NECAB1: variants seen among roughly 807,000 people sequenced by gnomAD.
The protein encoded by NECAB1 is N-terminal EF-hand calcium-binding protein 1.
A neutral mutation model predicts 57.5 loss-of-function variants in NECAB1; 29 were observed. That is an observed-to-expected ratio of 0.50 (90% CI 0.38 to 0.69). The LOEUF (loss-of-function observed/expected upper bound fraction) is 0.69, where lower values mean the gene tolerates loss of function less well. Ranked by LOEUF, NECAB1 falls within the 30% of genes least tolerant of loss-of-function variation. NECAB1 has a pLI of 0.00. For synonymous variants in NECAB1, 142 were observed against 147.7 expected (o/e 0.96, Z 0.28); for missense variants, 372 against 413.8 (o/e 0.90, Z 0.88).
intron 1 of NECAB1, among the ~76,000 whole-genome samples, chr8:90,800,117 G>T (rs917904145): frequency 1.3e-5 from 2 of 152,146 alleles, no homozygotes; most frequent in Non-Finnish European, 2.9e-5. Flanking sequence ...GAATGCTATT[G>T]CTGCATAGAT....
chr8:90,894,084 TA>T (rs930628371), intron 5 of NECAB1, among the ~76,000 whole-genome samples: 1 of 152,134 alleles, frequency 6.6e-6, no homozygotes, highest in Non-Finnish European at 1.5e-5. Context: ...TTCATGCTGA[TA>T]ACCTAAAAAG....
intron 1 of NECAB1, among the ~76,000 whole-genome samples, chr8:90,797,322 C>T (rs1811679344): frequency 6.6e-6 from 1 of 152,188 alleles, no homozygotes; most frequent in Non-Finnish European, 1.5e-5. Flanking sequence ...GGAACAGTTT[C>T]ATTGGTGAGA....
At chr8:90,816,911 C>T (rs895650452) in intron 2 of NECAB1, among the ~76,000 whole-genome samples, 3 of 151,602 alleles carry the variant, frequency 2.0e-5, no homozygotes, top group Non-Finnish European at 4.4e-5. Context: ...AGGATTGACA[C>T]CTTAATGATA....
chr8:90,817,954 A>G (rs1207989785), intron 2 of NECAB1, among the ~76,000 whole-genome samples: 1 of 151,814 alleles, frequency 6.6e-6, no homozygotes, highest in African/African-American at 2.4e-5. Flanking sequence ...TATTTTTTGT[A>G]AGGTTATTAA....
Position 90,951,197 on chromosome 8 carries a change from A to G in NECAB1, c.1023A>G (p.Leu341=), listed in dbSNP as rs1810917240. The G allele has an allele frequency of 6.4e-7, 1 of 1,572,538 alleles. No individual in the cohort carries two copies. Among genetic ancestry groups the G allele is most frequent in the East Asian group, 2.3e-5 (1 of 43,458 alleles). The stretch of plus-strand genomic sequence containing the variant: ...CTCCAGAACTCACATCTACAATGCT[A>G]GTTCCTGGTAATTATCCTGGGTTTA... ...LETPELTSTM[L]VPASWWILNN Residue 341 remains leucine (L), a synonymous_variant, in exon 12 of 13, where the codon CTA becomes CTG. Transcript: ENST00000417640.
intron 8 of NECAB1, among the ~76,000 whole-genome samples, chr8:90,933,226 G>T (rs981244497): frequency 6.6e-6 from 1 of 151,976 alleles, no homozygotes; most frequent in African/African-American, 2.4e-5. Context: ...TCCACTACTG[G>T]GTATCTACCC....
At chr8:90,928,161 C>T in intron 7 of NECAB1, 62 bp from the exon 8 acceptor site, 1 of 1,254,236 alleles carries the variant, frequency 8.0e-7, no homozygotes, top group East Asian at 2.4e-5. Context: ...TCTGATATAA[C>T]CAAGCATTTC....
At chr8:90,869,015 T>G (rs992306252) in intron 3 of NECAB1, among the ~76,000 whole-genome samples, 1 of 152,326 alleles carries the variant, frequency 6.6e-6, no homozygotes, top group African/African-American at 2.4e-5. Context: ...GCCCTGCATC[T>G]TGGCCGCAGC....
chr8:90,828,131 G>T (rs1586043979), intron 3 of NECAB1, among the ~76,000 whole-genome samples: 3 of 143,496 alleles, frequency 2.1e-5, no homozygotes, highest in Non-Finnish European at 3.0e-5. Context: ...GTTCACTGCA[G>T]TTTTTTTTTT....
At chr8:90,917,678 G>T in intron 6 of NECAB1, 50 bp downstream of exon 6, 1 of 1,508,372 alleles carries the variant, frequency 6.6e-7, no homozygotes, top group Non-Finnish European at 8.9e-7. Context: ...CTATGTTCAT[G>T]AAAAAACAAT....
chr8:90,948,530 T>C (rs545814013), intron 10 of NECAB1, among the ~76,000 whole-genome samples: 1 of 152,340 alleles, frequency 6.6e-6, no homozygotes, highest in African/African-American at 2.4e-5. Flanking sequence ...AAGTTATGTG[T>C]TCTCTTACTG....
At chr8:90,899,349 A>T (rs10111765) in intron 5 of NECAB1, among the ~76,000 whole-genome samples, 206 of 152,314 alleles carry the variant, frequency 1.4e-3, no homozygotes, top group African/African-American at 4.8e-3. Flanking sequence ...GCAAAAATTC[A>T]AGAATCTGTG....
At chr8:90,818,903 A>T (rs1812100182) in intron 2 of NECAB1, among the ~76,000 whole-genome samples, 1 of 151,932 alleles carries the variant, frequency 6.6e-6, no homozygotes, top group East Asian at 1.9e-4. Flanking sequence ...GAGTTCTTGG[A>T]TTTTTTTAAA....
intron 3 of NECAB1, among the ~76,000 whole-genome samples, chr8:90,855,275 T>TTTTA (rs1812773291): frequency 6.6e-6 from 1 of 152,160 alleles, no homozygotes; most frequent in Non-Finnish European, 1.5e-5. Flanking sequence ...GTGCTTGACT[T>TTTTA]TTTATTTATT....
intron 5 of NECAB1, among the ~76,000 whole-genome samples, chr8:90,887,722 G>A (rs571211803): frequency 2.8e-4 from 42 of 152,280 alleles, no homozygotes; most frequent in African/African-American, 9.4e-4. Flanking sequence ...ACTTTTTAAG[G>A]AGGCAGCTAT....
intron 2 of NECAB1, among the ~76,000 whole-genome samples, chr8:90,807,313 T>A (rs1189872834): frequency 6.6e-6 from 1 of 152,222 alleles, no homozygotes; most frequent in Non-Finnish European, 1.5e-5. Context: ...TGGAATTGAT[T>A]ATGTAAGAAT....
chr8:90,795,708 TCACACACACACACA>T (rs59863984), intron 1 of NECAB1, among the ~76,000 whole-genome samples: 3 of 147,764 alleles, frequency 2.0e-5, no homozygotes, highest in Non-Finnish European at 4.5e-5. Context: ...CTCATCTCTC[TCACACACACACACA>T]CACACACACA....
intron 2 of NECAB1, among the ~76,000 whole-genome samples, chr8:90,820,619 A>C (rs1417490444): frequency 6.6e-6 from 1 of 151,702 alleles, no homozygotes; most frequent in Non-Finnish European, 1.5e-5. Context: ...TCAGAGCTCT[A>C]GTTGTTGTCA....
At chr8:90,922,817 T>C (rs576893042) in intron 6 of NECAB1, among the ~76,000 whole-genome samples, 6 of 152,184 alleles carry the variant, frequency 3.9e-5, no homozygotes, top group East Asian at 1.9e-4. Flanking sequence ...TTTTATACCA[T>C]AGGAAAATTC....
Sources: gnomAD v4.1 joint callset for allele counts (sites outside exome capture counted in the v4.1 genomes callset) on GRCh38, gnomAD v4.1.1 for gene constraint, MANE v1.5 for transcripts, NCBI Gene and HGNC (gene_info 2026-07-23, HGNC 2026-07-21) for gene names.